RASEF: variants seen among roughly 807,000 people sequenced by gnomAD.
RASEF encodes the protein RAS and EF-hand domain containing.
A neutral mutation model predicts 90.1 loss-of-function variants in RASEF; 68 were observed. The ratio of observed to expected loss-of-function variants is 0.75; its 90% CI spans 0.62 to 0.92. The LOEUF (loss-of-function observed/expected upper bound fraction) is 0.92. RASEF is among the 40% of genes least tolerant of loss of function. The pLI is 0.00. For missense variants in RASEF, 949 were observed against 937.2 expected (o/e 1.01, Z -0.16); for synonymous variants, 331 against 345.2 (o/e 0.96, Z 0.46).
At chr9:83,009,537 A>G in intron 6 of RASEF, 104 bp downstream of exon 6, 1 of 559,102 alleles carries the variant, frequency 1.8e-6, no homozygotes. Flanking sequence ...AGAAGATATT[A>G]GCAAAGTTAC....
chr9:83,058,246 G>A (rs541826709), intron 1 of RASEF, among the ~76,000 whole-genome samples: 4 of 134,028 alleles, frequency 3.0e-5, no homozygotes, highest in South Asian at 2.6e-4. Flanking sequence ...GCAGTGGCGC[G>A]ATCTCGGCTC....
At position 82,982,578 on chromosome 9, in the gene RASEF, C is replaced by A; in HGVS notation, c.*99G>T. 1 of 746,868 alleles carries A rather than the reference C, an allele frequency of 1.3e-6. No individual in the cohort carries two copies. Among genetic ancestry groups the A allele is most frequent in the Non-Finnish European group, 2.5e-6 (1 of 407,270 alleles). 46.3% of individuals were successfully genotyped at this position (746,868 alleles called of 1,614,324 possible). A position where few individuals can be genotyped will look rare whatever the true frequency, so the allele number is the denominator to read the frequency against. On this transcript the variant is annotated 3_prime_UTR_variant, in exon 17 of 17. Transcript: ENST00000376447. ...TCCTGCACTGTAACTCTCCATAGGA[C>A]AGTGTCAGTAGGATGTGCCACTCTG...
At position 82,998,476 on chromosome 9, in the gene RASEF, G is replaced by T. The variant is rs141268498; in HGVS notation, c.1724-30C>A. 2.9e-6 allele frequency: 4 copies of T among 1,377,978 alleles called. No homozygotes were observed. The South Asian group carries it at 4.7e-5, about 16-fold the overall frequency. The allele number at this position is 1,377,978 out of a possible 1,614,324, so 85.4% of individuals were successfully genotyped here. A position where few individuals can be genotyped will look rare whatever the true frequency, so the allele number is the denominator to read the frequency against. On this transcript the variant is annotated intron_variant, in intron 12 of 16. Coordinates refer to ENST00000376447, the MANE Select transcript of RASEF (RefSeq NM_152573.4). ...AAAGGAATGTGAGAGTGGAGAGCAC[G>T]ATGTAAATAATTCCATTGGCTTTTT...
the RASEF span, among the ~76,000 whole-genome samples, chr9:83,193,601 A>G: frequency 6.6e-5 from 10 of 152,224 alleles, no homozygotes; most frequent in African/African-American, 2.4e-4. Context: ...AATAAATGGT[A>G]GTTTTCTTCC....
the RASEF span, among the ~76,000 whole-genome samples, chr9:83,153,709 G>A: frequency 6.6e-6 from 1 of 152,158 alleles, no homozygotes; most frequent in Non-Finnish European, 1.5e-5. Flanking sequence ...CTCTTCTTTG[G>A]ATGTTCTTTT....
chr9:83,196,295 C>G, the RASEF span, among the ~76,000 whole-genome samples: 14 of 152,264 alleles, frequency 9.2e-5, no homozygotes, highest in East Asian at 1.9e-3. Context: ...TGGGGAATGT[C>G]TCTTCCACCC....
chr9:83,055,806 T>G (rs531095251), intron 1 of RASEF: 2 of 615,744 alleles, frequency 3.2e-6, no homozygotes, highest in African/African-American at 3.7e-5. Context: ...CTCCCAAAGA[T>G]ATATGTAAGG....
rs745694312 is a variant in RASEF, at chr9:83,000,430, T to A, written c.1575+3A>T. ...GAATAGGAGTGTCTCGGAGACCACCTACCTGGGGCGAGAGTGCTGAGATGG... is the reference window on the plus strand; with the variant it reads ...GAATAGGAGTGTCTCGGAGACCACCAACCTGGGGCGAGAGTGCTGAGATGG... On this transcript the variant is annotated splice_donor_region_variant and intron_variant, in intron 11 of 16. Transcript: ENST00000376447. 1 of 1,613,770 alleles carries A rather than the reference T, an allele frequency of 6.2e-7. No homozygotes were observed. Among genetic ancestry groups the A allele is most frequent in the Admixed American group, 1.7e-5 (1 of 59,916 alleles).
At chr9:83,007,551 C>A in intron 6 of RASEF, 46 bp from the exon 7 acceptor site, 1 of 1,403,656 alleles carries the variant, frequency 7.1e-7, no homozygotes, top group Non-Finnish European at 1.0e-6. Context: ...GGTGTCAAGT[C>A]CTGCCTCACG....
chr9:83,101,460 C>T, the RASEF span, among the ~76,000 whole-genome samples: 1 of 152,186 alleles, frequency 6.6e-6, no homozygotes, highest in Non-Finnish European at 1.5e-5. Flanking sequence ...ACTGGGCACC[C>T]TGATCCACTA....
the RASEF span, among the ~76,000 whole-genome samples, chr9:83,182,779 T>C: frequency 6.6e-6 from 1 of 152,204 alleles, no homozygotes; most frequent in African/African-American, 2.4e-5. Context: ...TGAAAAAAGT[T>C]AGATTCTCTA....
chr9:83,059,892 C>T (rs1273369051), intron 1 of RASEF, among the ~76,000 whole-genome samples: 1 of 152,170 alleles, frequency 6.6e-6, no homozygotes, highest in Non-Finnish European at 1.5e-5. Context: ...AAAATGAACT[C>T]AACAATGACA....
At chr9:83,012,847 C>T (rs1330056713) in intron 4 of RASEF, among the ~76,000 whole-genome samples, 3 of 152,148 alleles carry the variant, frequency 2.0e-5, no homozygotes, top group Admixed American at 6.5e-5. Context: ...TATTCTCCTT[C>T]GTATTATCTG....
the RASEF span, among the ~76,000 whole-genome samples, chr9:83,069,195 C>G: frequency 6.6e-6 from 1 of 152,086 alleles, no homozygotes; most frequent in East Asian, 1.9e-4. Context: ...AATTTACATA[C>G]GATAAAATGC....
chr9:83,041,578 C>A (rs1220378190), intron 1 of RASEF, among the ~76,000 whole-genome samples: 2 of 152,202 alleles, frequency 1.3e-5, no homozygotes, highest in Non-Finnish European at 2.9e-5. Flanking sequence ...GAAGTAAGAC[C>A]CTTTGAGAGG....
chr9:83,108,691 C>A, the RASEF span, among the ~76,000 whole-genome samples: 3 of 152,176 alleles, frequency 2.0e-5, no homozygotes, highest in Non-Finnish European at 2.9e-5. Flanking sequence ...CAGTTTTTGT[C>A]ACTAATTACT....
chr9:83,144,388 AAAG>A, the RASEF span, among the ~76,000 whole-genome samples: 13 of 41,194 alleles, frequency 3.2e-4, no homozygotes, highest in African/African-American at 1.5e-3. Context: ...AGAAAGAAAG[AAAG>A]GAAAGAAAGA....
At chr9:83,008,908 A>ATATATATATT in intron 6 of RASEF, among the ~76,000 whole-genome samples, 1 of 118,306 alleles carries the variant, frequency 8.5e-6, no homozygotes, top group Non-Finnish European at 1.8e-5. Context: ...ATATATATAT[A>ATATATATATT]TATATATATA....
chr9:83,084,198 T>A, the RASEF span, among the ~76,000 whole-genome samples: 2 of 152,308 alleles, frequency 1.3e-5, no homozygotes, highest in East Asian at 3.9e-4. Context: ...TTCATTATGA[T>A]AAAATATTTA....
Sources: allele counts gnomAD v4.1 joint callset (sites outside exome capture counted in the v4.1 genomes callset), GRCh38; gene constraint gnomAD v4.1.1; transcripts MANE v1.5; gene names NCBI Gene and HGNC (gene_info 2026-07-23, HGNC 2026-07-21).